The following VAV3 variants were observed in gnomAD, a reference collection of about 807,000 sequenced individuals.
VAV3 encodes guanine nucleotide exchange factor VAV3.
In VAV3, 94 loss-of-function variants were observed where a neutral mutation model predicts 131.2. The ratio of observed to expected loss-of-function variants is 0.72; its 90% CI spans 0.61 to 0.85. The LOEUF (loss-of-function observed/expected upper bound fraction) is 0.85, where lower values mean the gene tolerates loss of function less well. Among genes scored for constraint, VAV3 ranks in the 40% least tolerant of loss-of-function variants. VAV3 has a pLI of 0.00. For synonymous variants in VAV3, 349 were observed against 342.0 expected (o/e 1.02, Z -0.22); for missense variants, 939 against 1,002.7 (o/e 0.94, Z 0.86).
At chr1:107,644,519 G>A (rs1242978405) in intron 19 of VAV3, among the ~76,000 whole-genome samples, 1 of 152,016 alleles carries the variant, frequency 6.6e-6, no homozygotes, top group Non-Finnish European at 1.5e-5. Flanking sequence ...GAGCTGATGT[G>A]GTCTCAAATA....
chr1:107,962,431 G>GA (rs941430770), intron 1 of VAV3, among the ~76,000 whole-genome samples: 10 of 152,256 alleles, frequency 6.6e-5, no homozygotes, highest in African/African-American at 2.4e-4. Context: ...AACAATAGCA[G>GA]AAAAAATGTT....
intron 19 of VAV3, among the ~76,000 whole-genome samples, chr1:107,678,844 A>G (rs1204944487): frequency 6.6e-6 from 1 of 152,018 alleles, no homozygotes; most frequent in Non-Finnish European, 1.5e-5. Context: ...ATCTTTTTAT[A>G]TGTTTATTAA....
chr1:107,736,487 G>C (rs1662645339), intron 15 of VAV3, among the ~76,000 whole-genome samples: 2 of 152,192 alleles, frequency 1.3e-5, no homozygotes, highest in Admixed American at 1.3e-4. Flanking sequence ...ATCTCCTTAA[G>C]ATGATAAGCA....
intron 1 of VAV3, among the ~76,000 whole-genome samples, chr1:107,901,937 G>T (rs1224476517): frequency 1.3e-5 from 2 of 151,994 alleles, no homozygotes; most frequent in African/African-American, 4.8e-5. Context: ...CAGCTACTCG[G>T]GAGGCTGAGG....
intron 2 of VAV3, among the ~76,000 whole-genome samples, chr1:107,801,430 T>C (rs1666823009): frequency 6.6e-6 from 1 of 152,162 alleles, no homozygotes; most frequent in Admixed American, 6.5e-5. Context: ...TAAAGCAAAC[T>C]AAGTATGGCC....
At chr1:107,630,442 T>C (rs1654380943) in intron 20 of VAV3, among the ~76,000 whole-genome samples, 1 of 152,166 alleles carries the variant, frequency 6.6e-6, no homozygotes, top group African/African-American at 2.4e-5. Flanking sequence ...TTATTTTGTA[T>C]GCAGTGATTG....
At chr1:107,956,531 A>G (rs1449850001) in intron 1 of VAV3, among the ~76,000 whole-genome samples, 4 of 152,224 alleles carry the variant, frequency 2.6e-5, no homozygotes, top group East Asian at 1.9e-4. Flanking sequence ...ACTATCACAC[A>G]GCCTTTGGAA....
intron 25 of VAV3, among the ~76,000 whole-genome samples, chr1:107,584,343 C>A (rs1650323411): frequency 6.6e-6 from 1 of 152,110 alleles, no homozygotes. Context: ...AGGACATAGG[C>A]ATGGGCAAGG....
At chr1:107,946,392 A>G (rs1674263202) in intron 1 of VAV3, among the ~76,000 whole-genome samples, 1 of 152,216 alleles carries the variant, frequency 6.6e-6, no homozygotes, top group Admixed American at 6.5e-5. Flanking sequence ...AGTGACTGAG[A>G]TTGGAATAAA....
intron 2 of VAV3, among the ~76,000 whole-genome samples, chr1:107,833,462 C>A (rs1330407306): frequency 6.6e-6 from 1 of 152,132 alleles, no homozygotes; most frequent in Admixed American, 6.5e-5. Context: ...TGATGTTAGA[C>A]CAATCCTTTT....
At chr1:107,650,702 C>T (rs1235447633) in intron 19 of VAV3, among the ~76,000 whole-genome samples, 1 of 122,532 alleles carries the variant, frequency 8.2e-6, no homozygotes, top group Non-Finnish European at 1.6e-5. Flanking sequence ...AATGCTATCC[C>T]TCCCCCCCCT....
intron 2 of VAV3, among the ~76,000 whole-genome samples, chr1:107,787,693 GC>G (rs1666083738): frequency 6.6e-6 from 1 of 152,148 alleles, no homozygotes; most frequent in South Asian, 2.1e-4. Context: ...TCTCTGAGAA[GC>G]TTTTTGTGGT....
intron 2 of VAV3, among the ~76,000 whole-genome samples, chr1:107,822,012 AT>A (rs1317721944): frequency 6.6e-6 from 1 of 152,150 alleles, no homozygotes; most frequent in Non-Finnish European, 1.5e-5. Context: ...TGGGGTCCTT[AT>A]GCCAGCTTCA....
intron 9 of VAV3, among the ~76,000 whole-genome samples, chr1:107,762,201 C>A (rs1017561478): frequency 2.0e-5 from 3 of 151,748 alleles, no homozygotes; most frequent in African/African-American, 7.3e-5. Flanking sequence ...ATTGCACATC[C>A]CAGCACAAGG....
In VAV3 at chr1:107,748,891, C is replaced by G. The variant is rs17019893; in HGVS notation, c.1502+77G>C. 755 of 1,086,774 alleles carry G rather than the reference C, an allele frequency of 6.9e-4. 6 individuals are homozygous for G. In the East Asian group the frequency reaches 0.014, roughly 20 times the overall value. The allele number at this position is 1,086,774 out of a possible 1,614,324, so 67.3% of individuals were successfully genotyped here. A position where few individuals can be genotyped will look rare whatever the true frequency, so the allele number is the denominator to read the frequency against. On this transcript the variant is annotated intron_variant, in intron 15 of 26. Coordinates refer to ENST00000370056, the MANE Select transcript of VAV3 (RefSeq NM_006113.5). ...TATACATGCTACAAGCATTAGAGTA[C>G]ACTTATTGGTTGTTCATTATTCATA...
At chr1:107,806,018 C>G (rs1391740663) in intron 2 of VAV3, among the ~76,000 whole-genome samples, 7 of 152,226 alleles carry the variant, frequency 4.6e-5, no homozygotes, top group African/African-American at 1.7e-4. Context: ...CCACCTATAG[C>G]ATGGTACTGA....
At chr1:107,588,350 C>A (rs954214367) in intron 25 of VAV3, among the ~76,000 whole-genome samples, 1 of 152,010 alleles carries the variant, frequency 6.6e-6, no homozygotes, top group African/African-American at 2.4e-5. Context: ...TAGTGTGTAT[C>A]CAGGAAATAG....
At chr1:107,722,495 A>G (rs1661557385) in intron 15 of VAV3, among the ~76,000 whole-genome samples, 1 of 152,226 alleles carries the variant, frequency 6.6e-6, no homozygotes, top group Non-Finnish European at 1.5e-5. Flanking sequence ...GTGAGTCTCA[A>G]GAAAGAAAAT....
intron 2 of VAV3, among the ~76,000 whole-genome samples, chr1:107,829,673 C>G (rs1428704664): frequency 6.6e-6 from 1 of 151,972 alleles, no homozygotes; most frequent in Non-Finnish European, 1.5e-5. Context: ...TTTACTTTAG[C>G]CTAAGACATC....
Sources: allele counts gnomAD v4.1 joint callset (sites outside exome capture counted in the v4.1 genomes callset), GRCh38; gene constraint gnomAD v4.1.1; transcripts MANE v1.5; gene names NCBI Gene and HGNC (gene_info 2026-07-23, HGNC 2026-07-21).